The following SETBP1 variants were observed in gnomAD, a reference collection of about 807,000 sequenced individuals.
SETBP1 encodes SET-binding protein.
In SETBP1, 9 loss-of-function variants were observed where a neutral mutation model predicts 101.0. That is an observed-to-expected ratio of 0.09 (90% confidence interval 0.05 to 0.16). The LOEUF (loss-of-function observed/expected upper bound fraction) is 0.16, where lower values mean the gene tolerates loss of function less well. SETBP1 is among the 10% of genes least tolerant of loss of function. The pLI, the probability that SETBP1 is intolerant of heterozygous loss-of-function variation, is 1.00. For synonymous variants in SETBP1, 818 were observed against 788.5 expected, an observed-to-expected ratio of 1.04 and a Z score of -0.63; for missense variants, 1,858 against 2,033.8, an observed-to-expected ratio of 0.91 and a Z score of 1.66.
At chr18:44,716,612 G>A (rs946287047) in intron 2 of SETBP1, among the ~76,000 whole-genome samples, 4 of 152,146 alleles carry the variant, frequency 2.6e-5, no homozygotes, top group African/African-American at 9.7e-5. Context: ...TGCCAGGCTG[G>A]AGTGCAGTGG....
At chr18:44,755,579 C>T (rs993698000) in intron 2 of SETBP1, among the ~76,000 whole-genome samples, 1 of 151,902 alleles carries the variant, frequency 6.6e-6, no homozygotes, top group African/African-American at 2.4e-5. Context: ...TGTTCCCAGG[C>T]CTTAGGCTTC....
intron 4 of SETBP1, among the ~76,000 whole-genome samples, chr18:44,953,732 G>C (rs960043198): frequency 6.6e-6 from 1 of 152,288 alleles, no homozygotes; most frequent in African/African-American, 2.4e-5. Flanking sequence ...AGAATGCCAA[G>C]CCTGGGAGGA....
rs780597341 is a variant in SETBP1 at position 44,950,583 on chromosome 18, A to G, written c.1243A>G (p.Asn415Asp). The change falls in exon 4 of 6, where the codon AAC becomes GAC. Residue 415 changes from asparagine to aspartate, a missense_variant. Around this residue, in one of 12 missense-constraint regions of SETBP1, gnomAD observed 581 missense variants for 535.1 expected, o/e 1.09. Coordinates refer to ENST00000649279, the MANE Select transcript of SETBP1 (RefSeq NM_015559.3). ...CAAGGCACCCTCTCTGGATCCAACC[A>G]ACCATAAGAGGAAAAAAAGACAGTC... ...PIKAPSLDPT[N>D]HKRKKRQSIK... 6.2e-6 allele frequency: 10 copies of G among 1,614,108 alleles called. No individual in the cohort carries two copies. The East Asian group carries it at 2.2e-4, about 36-fold the overall frequency.
intron 3 of SETBP1, among the ~76,000 whole-genome samples, chr18:44,947,514 T>C (rs2071236017): frequency 6.6e-6 from 1 of 150,632 alleles, no homozygotes; most frequent in South Asian, 2.1e-4. Flanking sequence ...TTTTTTTTTT[T>C]TGAGACGGAG....
chr18:45,000,131 G>A (rs1398376412), intron 4 of SETBP1, among the ~76,000 whole-genome samples: 1 of 152,234 alleles, frequency 6.6e-6, no homozygotes, highest in African/African-American at 2.4e-5. Flanking sequence ...AGGAAATCAG[G>A]TGATGTTTAA....
intron 4 of SETBP1, chr18:44,988,355 G>A (rs757806176): frequency 1.3e-5 from 2 of 152,344 alleles, no homozygotes; most frequent in Non-Finnish European, 2.9e-5. Context: ...AGAAAAGTCA[G>A]TGGGTCATTG....
At chr18:44,911,697 C>T (rs1599310809) in intron 3 of SETBP1, among the ~76,000 whole-genome samples, 1 of 152,316 alleles carries the variant, frequency 6.6e-6, no homozygotes, top group South Asian at 2.1e-4. Flanking sequence ...CCCAGGGAGC[C>T]CTCTGAGCTC....
rs1006054802 is a variant in SETBP1, at chr18:44,932,418, T to C, written c.541-17463T>C. On this transcript the variant is annotated intron_variant, in intron 3 of 5. Coordinates refer to ENST00000649279, the MANE Select transcript of SETBP1 (RefSeq NM_015559.3). The stretch of plus-strand genomic sequence containing the variant: ...AGGTGAATCTGACAATTATGTGTCT[T>C]GGAGTTGCTCTTCTCGAGGAGGATC... Among the ~76,000 whole-genome samples, 4 of 152,224 alleles carry C rather than the reference T, an allele frequency of 2.6e-5. No individual in the cohort carries two copies. In the South Asian group the frequency reaches 8.3e-4, roughly 31 times the overall value.
chr18:44,952,989 G>C lies in SETBP1; in HGVS notation c.3649G>C (p.Ala1217Pro), dbSNP rs749905884. The change falls in exon 4 of 6, where the codon GCC (alanine) becomes CCC (proline). Residue 1217 changes from alanine (A) to proline (P), a missense_variant. By Grantham distance (27) the Ala-to-Pro change is conservative (BLOSUM62 -1). Transcript: ENST00000649279. ...GAAACAGAAGCACCAGCACAGCGAA[G>C]CCGGCCACAAAGCTTCTAAGAACAA... The part of the protein sequence containing the change: ...KEKQKHQHSE[A>P]GHKASKNNFE... The C allele has an allele frequency of 1.9e-6, 3 of 1,614,176 alleles. No homozygotes were observed. The South Asian group carries it at 3.3e-5, about 18-fold the overall frequency.
intron 2 of SETBP1, among the ~76,000 whole-genome samples, chr18:44,734,066 A>G (rs951701611): frequency 4.6e-5 from 7 of 152,212 alleles, no homozygotes; most frequent in Non-Finnish European, 1.0e-4. Flanking sequence ...AATGAGGACA[A>G]GCCCTGAAAA....
intron 3 of SETBP1, among the ~76,000 whole-genome samples, chr18:44,949,630 T>G (rs77564443): frequency 0.013 from 2,025 of 152,320 alleles, 49 homozygotes; most frequent in African/African-American, 0.047. Context: ...AGATTCCTGT[T>G]ATTTAGGGAT....
chr18:44,958,839 T>C (rs570921510), intron 4 of SETBP1, among the ~76,000 whole-genome samples: 2 of 152,346 alleles, frequency 1.3e-5, no homozygotes, highest in Admixed American at 1.3e-4. Flanking sequence ...TTGTGGGCTC[T>C]GATGGAAGTC....
At chr18:44,972,972 C>T (rs908774246) in intron 4 of SETBP1, among the ~76,000 whole-genome samples, 6 of 152,168 alleles carry the variant, frequency 3.9e-5, no homozygotes, top group Non-Finnish European at 7.3e-5. Flanking sequence ...AAAGGGAATG[C>T]TTCCAGTTTT....
intron 4 of SETBP1, among the ~76,000 whole-genome samples, chr18:45,009,755 A>T (rs1469659677): frequency 6.6e-6 from 1 of 152,100 alleles, no homozygotes; most frequent in African/African-American, 2.4e-5. Flanking sequence ...TGATGTGCAG[A>T]CTGAGGCTCA....
At chr18:44,696,511 G>A (rs954581882) in intron 1 of SETBP1, among the ~76,000 whole-genome samples, 4 of 152,148 alleles carry the variant, frequency 2.6e-5, no homozygotes, top group African/African-American at 9.7e-5. Context: ...TTTAGACTAG[G>A]AAAAATATTC....
intron 4 of SETBP1, among the ~76,000 whole-genome samples, chr18:44,977,203 C>T (rs987670206): frequency 6.6e-6 from 1 of 152,124 alleles, no homozygotes; most frequent in Admixed American, 6.5e-5. Context: ...AGATAGAGCT[C>T]ATGGAAATGT....
At chr18:44,932,004 C>T (rs530358232) in intron 3 of SETBP1, among the ~76,000 whole-genome samples, 1 of 152,232 alleles carries the variant, frequency 6.6e-6, no homozygotes, top group South Asian at 2.1e-4. Context: ...GCTTATTTTG[C>T]TTGTTAGTTG....
intron 2 of SETBP1, among the ~76,000 whole-genome samples, chr18:44,723,050 A>G (rs1163357988): frequency 1.3e-5 from 2 of 152,196 alleles, no homozygotes; most frequent in Non-Finnish European, 2.9e-5. Context: ...GTGAAAAATC[A>G]GACCTTGGTG....
At chr18:45,048,978 C>CAAAAAAAAAAAAAAAA (rs71177665) in intron 5 of SETBP1, among the ~76,000 whole-genome samples, 21 of 46,648 alleles carry the variant, frequency 4.5e-4, no homozygotes, top group Non-Finnish European at 7.9e-4. Flanking sequence ...GACTCCGTCT[C>CAAAAAAAAAAAAAAAA]AAAAAAAAAA....
Sources: gnomAD v4.1 joint callset for allele counts (sites outside exome capture counted in the v4.1 genomes callset) on GRCh38, gnomAD v4.1.1 for gene constraint, gnomAD v4.1.1 regional missense constraint, MANE v1.5 for transcripts, NCBI Gene and HGNC (gene_info 2026-07-23, HGNC 2026-07-21) for gene names.